MYO3B: variants seen among roughly 807,000 people sequenced by gnomAD.
The protein encoded by MYO3B is myosin IIIB.
MYO3B carries 156 observed loss-of-function variants against 174.6 expected under a neutral mutation model. The ratio of observed to expected loss-of-function variants is 0.89; its 90% CI spans 0.78 to 1.02. MYO3B has a LOEUF of 1.02. Ranked by LOEUF, MYO3B falls within the 50% of genes least tolerant of loss-of-function variation. MYO3B has a pLI of 0.00. For synonymous variants in MYO3B, 563 were observed against 569.1 expected (o/e 0.99, Z 0.15); for missense variants, 1,632 against 1,639.4 (o/e 1.00, Z 0.08).
intron 7 of MYO3B, among the ~76,000 whole-genome samples, chr2:170,296,918 C>A (rs2093632365): frequency 6.6e-6 from 1 of 152,156 alleles, no homozygotes; most frequent in Non-Finnish European, 1.5e-5. Flanking sequence ...TTAGAACTTA[C>A]TCTTGCGATG....
intron 9 of MYO3B, among the ~76,000 whole-genome samples, chr2:170,372,118 C>CAAAA (rs769243145): frequency 0.018 from 394 of 22,112 alleles, 80 homozygotes; most frequent in East Asian, 0.11. Flanking sequence ...GACCCTGTCT[C>CAAAA]AAAAAAAAAA....
intron 7 of MYO3B, among the ~76,000 whole-genome samples, chr2:170,264,393 G>A (rs899496727): frequency 1.8e-4 from 27 of 152,326 alleles, no homozygotes; most frequent in Non-Finnish European, 2.6e-4. Flanking sequence ...GGAAAGCAGA[G>A]CTGCAGATCT....
At chr2:170,211,677 T>A (rs2092772069) in intron 3 of MYO3B, among the ~76,000 whole-genome samples, 1 of 152,102 alleles carries the variant, frequency 6.6e-6, no homozygotes, top group Non-Finnish European at 1.5e-5. Flanking sequence ...AAGTACTCAT[T>A]TCCTAAGCCA....
intron 32 of MYO3B, among the ~76,000 whole-genome samples, chr2:170,623,200 C>G (rs1016043454): frequency 4.6e-5 from 7 of 152,156 alleles, no homozygotes; most frequent in East Asian, 1.9e-4. Flanking sequence ...CAGTGTAAAA[C>G]TGTTCCTATT....
chr2:170,552,372 T>G (rs2106230208), intron 32 of MYO3B, among the ~76,000 whole-genome samples: 1 of 152,274 alleles, frequency 6.6e-6, no homozygotes, highest in South Asian at 2.1e-4. Context: ...GATGAGAAAC[T>G]TACTGGGAGC....
At chr2:170,625,925 G>T (rs1341352713) in intron 32 of MYO3B, among the ~76,000 whole-genome samples, 3 of 152,156 alleles carry the variant, frequency 2.0e-5, no homozygotes, top group Non-Finnish European at 4.4e-5. Context: ...GAGACAGTTT[G>T]TTATAATTTC....
rs1193967873 is a variant in MYO3B, at chr2:170,178,268, A to G, written c.-20A>G. On this transcript the variant is annotated 5_prime_UTR_variant, in exon 1 of 35. Coordinates refer to ENST00000408978, the MANE Select transcript of MYO3B (RefSeq NM_138995.5). ...GAGAATCCAATCTCTCATAAGCCGGATTCAGAAAATAGGTCATCGATGTGA... is the reference window on the plus strand; with the variant it reads ...GAGAATCCAATCTCTCATAAGCCGGGTTCAGAAAATAGGTCATCGATGTGA... 1 of 1,614,062 alleles carries G rather than the reference A, an allele frequency of 6.2e-7. No homozygotes were observed. Among genetic ancestry groups the G allele is most frequent in the Non-Finnish European group, 8.5e-7 (1 of 1,179,996 alleles).
intron 9 of MYO3B, among the ~76,000 whole-genome samples, chr2:170,378,720 T>C (rs2094312710): frequency 6.6e-6 from 1 of 152,252 alleles, no homozygotes; most frequent in South Asian, 2.1e-4. Flanking sequence ...AACTTTCTAC[T>C]AGACTGCATC....
chr2:170,276,745 C>G (rs2093466346), intron 7 of MYO3B, among the ~76,000 whole-genome samples: 1 of 152,102 alleles, frequency 6.6e-6, no homozygotes, highest in Non-Finnish European at 1.5e-5. Context: ...ATTCTTTGAT[C>G]TCCATTTCCT....
chr2:170,308,267 T>C (rs971529817), intron 7 of MYO3B, among the ~76,000 whole-genome samples: 8 of 152,222 alleles, frequency 5.3e-5, no homozygotes, highest in Non-Finnish European at 2.9e-5. Flanking sequence ...TTGTAATTGC[T>C]GTAGGCAGCG....
chr2:170,647,041 C>T (rs985056908), intron 32 of MYO3B: 29 of 576,490 alleles, frequency 5.0e-5, no homozygotes, highest in South Asian at 3.3e-4. Flanking sequence ...TATAATTAAA[C>T]GCATGCATGT....
intron 19 of MYO3B, among the ~76,000 whole-genome samples, chr2:170,403,842 A>G (rs2094494126): frequency 6.6e-6 from 1 of 152,170 alleles, no homozygotes; most frequent in South Asian, 2.1e-4. Context: ...TTTCCCGGTA[A>G]TCTGGAGTTT....
At position 170,597,127 on chromosome 2, in the gene MYO3B, C is replaced by T. The variant is rs377132284; in HGVS notation, c.3733+53139C>T. 2.6e-5 allele frequency among the ~76,000 whole-genome samples: 4 copies of T among 152,148 alleles called. No individual in the cohort carries two copies. In the East Asian group the frequency reaches 5.8e-4, roughly 22 times the overall value. ...GCTCCATGTTGTCTCTCTCCCACTA[C>T]GGAGCCACCATGGAACAAACCCTTG... is the stretch of plus-strand genomic sequence containing the variant. On this transcript the variant is annotated intron_variant, in intron 32 of 34. Coordinates refer to ENST00000408978, the MANE Select transcript of MYO3B (RefSeq NM_138995.5).
At chr2:170,192,320 A>C (rs1292121098) in intron 1 of MYO3B, among the ~76,000 whole-genome samples, 1 of 150,856 alleles carries the variant, frequency 6.6e-6, no homozygotes, top group Non-Finnish European at 1.5e-5. Flanking sequence ...ATTTGTATTT[A>C]TCTAAGAAAG....
intron 7 of MYO3B, among the ~76,000 whole-genome samples, chr2:170,322,781 G>A (rs546260342): frequency 1.6e-4 from 24 of 152,216 alleles, no homozygotes; most frequent in African/African-American, 5.8e-4. Context: ...GCATGCACAT[G>A]GTCTCTGGTG....
chr2:170,493,023 C>T (rs370002828), intron 25 of MYO3B, among the ~76,000 whole-genome samples: 15 of 152,018 alleles, frequency 9.9e-5, no homozygotes, highest in South Asian at 6.2e-4. Context: ...AGCTCCCTTC[C>T]GCCCTCAAAG....
chr2:170,507,854 T>A (rs1417483031), intron 28 of MYO3B, among the ~76,000 whole-genome samples: 2 of 152,226 alleles, frequency 1.3e-5, no homozygotes, highest in Non-Finnish European at 2.9e-5. Flanking sequence ...TTTCGAGGTT[T>A]CTGACAAGAA....
chr2:170,542,081 C>T (rs1172038753), intron 30 of MYO3B, among the ~76,000 whole-genome samples: 1 of 141,314 alleles, frequency 7.1e-6, no homozygotes, highest in Admixed American at 7.0e-5. Flanking sequence ...ACTACAGAAA[C>T]TTACCCAAAG....
chr2:170,474,322 C>T (rs1685172500), intron 25 of MYO3B, among the ~76,000 whole-genome samples: 1 of 152,130 alleles, frequency 6.6e-6, no homozygotes, highest in South Asian at 2.1e-4. Flanking sequence ...GAGCCAATTA[C>T]TGTGCCCAGG....
Sources: gnomAD v4.1 joint callset for allele counts (sites outside exome capture counted in the v4.1 genomes callset) on GRCh38, gnomAD v4.1.1 for gene constraint, MANE v1.5 for transcripts, NCBI Gene and HGNC (gene_info 2026-07-23, HGNC 2026-07-21) for gene names.